XK: variants seen among roughly 807,000 people sequenced by gnomAD.
XK encodes the protein X-linked Kx blood group antigen, Kell and VPS13A binding protein.
Under a neutral mutation model 14.0 loss-of-function variants are expected in XK, and 2 were observed. The observed-to-expected ratio is 0.14, with a 90% CI of 0.06 to 0.45. The LOEUF is 0.45. Among genes scored for constraint, XK ranks in the 20% least tolerant of loss-of-function variants. XK has a pLI of 0.98. For missense variants in XK, 235 were observed against 341.5 expected (o/e 0.69, Z 2.46); for synonymous variants, 149 against 147.5 (o/e 1.01, Z -0.08).
Position 37,728,596 on chromosome X carries a change from A to G in XK, c.*134A>G. 5.9e-6 allele frequency: 4 copies of G among 675,663 alleles called. No homozygotes were observed. The highest frequency in any genetic ancestry group is 9.1e-6 in the Non-Finnish European group (4 of 437,692). The allele number at this position is 675,663 out of a possible 1,213,427, so 55.7% of individuals were successfully genotyped here. Reference sequence around the variant, plus strand: ...AACTCCTTGTGAGCTGCTTCTCTTTATAGAGCTCTTGGGTATGTAGAACTG... The same window carrying G: ...AACTCCTTGTGAGCTGCTTCTCTTTGTAGAGCTCTTGGGTATGTAGAACTG... On this transcript the variant is annotated 3_prime_UTR_variant, in exon 3 of 3. Coordinates refer to ENST00000378616, the MANE Select transcript of XK (RefSeq NM_021083.4).
In XK at chrX:37,728,619, C is replaced by T; in HGVS notation, c.*157C>T. 7.0e-6 allele frequency: 4 copies of T among 572,506 alleles called. No individual in the cohort carries two copies. The highest frequency in any genetic ancestry group is 1.1e-5 in the Non-Finnish European group (4 of 355,586). The allele number at this position is 572,506 out of a possible 1,213,427, so 47.2% of individuals were successfully genotyped here. On this transcript the variant is annotated 3_prime_UTR_variant, in exon 3 of 3. Transcript: ENST00000378616. ...TTATAGAGCTCTTGGGTATGTAGAA[C>T]TGTATGGGAAGAAGCCAGGAAAACC...
rs188429260 is a variant in XK at position 37,729,816 on chromosome X, G to C, written c.*1354G>C. On this transcript the variant is annotated 3_prime_UTR_variant, in exon 3 of 3. Coordinates refer to ENST00000378616, the MANE Select transcript of XK (RefSeq NM_021083.4). ...GACTCGATTTTACCATATGGAATAG[G>C]GATCCACTTCTCTGTTAACCTACAA... The C allele has an allele frequency of 4.5e-5, 5 of 111,219 alleles. No homozygotes were observed. Among genetic ancestry groups the C allele is most frequent in the African/African-American group, 1.6e-4 (5 of 30,662 alleles). The allele number at this position is 111,219 out of a possible 1,213,427, so 9.2% of individuals were successfully genotyped here. A position where few individuals can be genotyped will look rare whatever the true frequency, so the allele number is the denominator to read the frequency against.
Position 37,685,887 on chromosome X carries a change from A to T in XK, c.-75A>T, listed in dbSNP as rs1224900097. ...TGGGCATGCTGGGAGCCCCTCGGGC[A>T]ACGGCCGCCGCCGCCACAGCCACAC... On this transcript the variant is annotated 5_prime_UTR_variant, in exon 1 of 3. Transcript: ENST00000378616. 1 of 1,124,386 alleles carries T rather than the reference A, an allele frequency of 8.9e-7. No homozygotes were observed. Among genetic ancestry groups the T allele is most frequent in the Admixed American group, 2.6e-5 (1 of 38,932 alleles). 92.7% of individuals were successfully genotyped at this position (1,124,386 alleles called of 1,213,427 possible).
rs1556450618 is a variant in XK at position 37,729,037 on chromosome X, C to G, written c.*575C>G. On this transcript the variant is annotated 3_prime_UTR_variant, in exon 3 of 3. Coordinates refer to ENST00000378616, the MANE Select transcript of XK (RefSeq NM_021083.4). Reference sequence around the variant, plus strand: ...TTGTACATAGCCAACTGTAGCCACCCTGGCATGCTGTCTCTAATTGATTCA... The same window carrying G: ...TTGTACATAGCCAACTGTAGCCACCGTGGCATGCTGTCTCTAATTGATTCA... 1 of 112,762 alleles carries G rather than the reference C, an allele frequency of 8.9e-6. No individual in the cohort carries two copies. The highest frequency in any genetic ancestry group is 2.8e-4 in the East Asian group (1 of 3,565). 9.3% of individuals were successfully genotyped at this position (112,762 alleles called of 1,213,427 possible).
At chrX:37,697,338 T>A (rs1556442643) in intron 2 of XK, among the ~76,000 whole-genome samples, 1 of 112,403 alleles carries the variant, frequency 8.9e-6, no homozygotes, top group Non-Finnish European at 1.9e-5. Flanking sequence ...GGCCTGCGTG[T>A]GGTTGGGCCC....
At chrX:37,713,960 C>G (rs1927715856) in intron 2 of XK, among the ~76,000 whole-genome samples, 1 of 111,744 alleles carries the variant, frequency 8.9e-6, no homozygotes, top group African/African-American at 3.3e-5. Flanking sequence ...AATTAGAGTT[C>G]TGCCTTTAAG....
intron 1 of XK, among the ~76,000 whole-genome samples, chrX:37,686,960 G>T (rs782192740): frequency 9.0e-6 from 1 of 111,545 alleles, no homozygotes; most frequent in Admixed American, 9.5e-5. Flanking sequence ...AAACAGACTG[G>T]CTTATCTAAG....
At chrX:37,721,644 A>T (rs1927874209) in intron 2 of XK, among the ~76,000 whole-genome samples, 2 of 111,753 alleles carry the variant, frequency 1.8e-5, no homozygotes, top group Non-Finnish European at 3.8e-5. Flanking sequence ...ACACTATGGC[A>T]GTTCCTTCGA....
intron 2 of XK, among the ~76,000 whole-genome samples, chrX:37,709,685 T>C (rs1556446259): frequency 8.9e-6 from 1 of 112,326 alleles, no homozygotes; most frequent in Non-Finnish European, 1.9e-5. Context: ...AATAGTACAA[T>C]TTCCGTATTT....
In XK at chrX:37,728,370, T is replaced by G. The variant is rs782782627; in HGVS notation, c.1243T>G (p.Ser415Ala). 2.5e-6 allele frequency: 3 copies of G among 1,210,580 alleles called. No individual in the cohort carries two copies. In the Admixed American group the frequency reaches 6.5e-5, roughly 26 times the overall value. ...GCCGATAGGAAAGGAAGATCTACAG[T>G]CATCCAGAGATAGAGATGAGACACC... Reference protein sequence around the residue: ...CEPIGKEDLQSSRDRDETPSS... With the variant: ...CEPIGKEDLQASRDRDETPSS... The change falls in exon 3 of 3, where the codon TCA becomes GCA. Residue 415 changes from serine to alanine, a missense_variant. Ser to Ala is a moderately conservative substitution (Grantham distance 99, BLOSUM62 1). Transcript: ENST00000378616.
At chrX:37,697,716 AG>A (rs1266462531) in intron 2 of XK, among the ~76,000 whole-genome samples, 1 of 112,061 alleles carries the variant, frequency 8.9e-6, no homozygotes, top group Non-Finnish European at 1.9e-5. Flanking sequence ...ACAATTCAGT[AG>A]GTTTCAATAT....
chrX:37,717,743 A>G (rs12011226), intron 2 of XK, among the ~76,000 whole-genome samples: 2,378 of 111,944 alleles, frequency 0.021, 55 homozygotes, highest in African/African-American at 0.073. Context: ...ATTTTTGACT[A>G]AACATCTGGT....
intron 2 of XK, among the ~76,000 whole-genome samples, chrX:37,713,157 C>T (rs904415686): frequency 8.9e-6 from 1 of 111,831 alleles, no homozygotes; most frequent in Admixed American, 9.5e-5. Context: ...ATCTGCAGGG[C>T]TTACCTTGCT....
chrX:37,714,890 G>C, intron 2 of XK, among the ~76,000 whole-genome samples: 1 of 111,229 alleles, frequency 9.0e-6, no homozygotes, highest in East Asian at 2.8e-4. Flanking sequence ...TGCTGTATCA[G>C]CTAGCTATTG....
intron 2 of XK, among the ~76,000 whole-genome samples, chrX:37,723,768 C>G (rs1226211141): frequency 1.8e-5 from 2 of 111,202 alleles, no homozygotes; most frequent in Non-Finnish European, 3.8e-5. Context: ...CTTAGCTCAT[C>G]TTCTGCACTT....
chrX:37,689,325 G>A (rs781893685), intron 1 of XK, among the ~76,000 whole-genome samples: 1 of 112,366 alleles, frequency 8.9e-6, no homozygotes, highest in Non-Finnish European at 1.9e-5. Context: ...TCTTCCTGCT[G>A]ACTGTTTGAT....
In XK at chrX:37,729,941, A is replaced by G. The variant is rs1422977699; in HGVS notation, c.*1479A>G. On this transcript the variant is annotated 3_prime_UTR_variant, in exon 3 of 3. Transcript: ENST00000378616. ...TTTCATGCACACAGGAGAAAATGCA[A>G]TTTGATAATCAGTTTCCACTACATT... 1.8e-5 allele frequency: 2 copies of G among 111,832 alleles called. No individual in the cohort carries two copies. Among genetic ancestry groups the G allele is most frequent in the Non-Finnish European group, 3.8e-5 (2 of 53,193 alleles). The allele number at this position is 111,832 out of a possible 1,213,427, so 9.2% of individuals were successfully genotyped here.
At chrX:37,726,500 C>T (rs1320701954) in intron 2 of XK, among the ~76,000 whole-genome samples, 1 of 111,211 alleles carries the variant, frequency 9.0e-6, no homozygotes, top group Non-Finnish European at 1.9e-5. Context: ...CCCATCCTTC[C>T]TTGTGCCAGT....
intron 2 of XK, among the ~76,000 whole-genome samples, chrX:37,696,529 C>A: frequency 8.9e-6 from 1 of 112,377 alleles, no homozygotes; most frequent in South Asian, 3.7e-4. Flanking sequence ...TCTTGACTAA[C>A]CCCAATCACT....
Sources: allele counts gnomAD v4.1 joint callset (sites outside exome capture counted in the v4.1 genomes callset), GRCh38; gene constraint gnomAD v4.1.1; transcripts MANE v1.5; gene names NCBI Gene and HGNC (gene_info 2026-07-23, HGNC 2026-07-21).